CRPPA: variants seen among roughly 807,000 people sequenced by gnomAD.
CRPPA encodes the protein D-ribitol-5-phosphate cytidylyltransferase.
CRPPA carries 43 observed loss-of-function variants against 52.0 expected under a neutral mutation model. The ratio of observed to expected loss-of-function variants is 0.83; its 90% CI spans 0.65 to 1.07. The LOEUF is 1.07. Among genes scored for constraint, CRPPA ranks in the 50% least tolerant of loss-of-function variants. The probability of loss-of-function intolerance (pLI) is 0.00; values close to 1 mark genes in which losing one functional copy is unlikely to be tolerated. For missense variants in CRPPA, 629 were observed against 551.7 expected, an observed-to-expected ratio of 1.14 and a Z score of -1.40; for synonymous variants, 250 against 203.5, an observed-to-expected ratio of 1.23 and a Z score of -1.94.
chr7:16,182,203 A>G (rs1023615020), intron 9 of CRPPA, among the ~76,000 whole-genome samples: 6 of 151,976 alleles, frequency 3.9e-5, no homozygotes, highest in African/African-American at 1.4e-4. Context: ...ATTAATAGGG[A>G]TAAGAAAAAT....
chr7:16,213,921 G>C (rs1378498844), intron 9 of CRPPA, among the ~76,000 whole-genome samples: 1 of 152,078 alleles, frequency 6.6e-6, no homozygotes, highest in South Asian at 2.1e-4. Context: ...AATTGTGAAA[G>C]CAAGCTTTAT....
intron 9 of CRPPA, among the ~76,000 whole-genome samples, chr7:16,211,241 AT>A (rs911915742): frequency 3.3e-5 from 5 of 152,142 alleles, no homozygotes; most frequent in African/African-American, 1.2e-4. Context: ...TATAAAAACA[AT>A]TTTTTTCAAA....
At chr7:16,200,372 ATATAG>A (rs1173622522) in intron 9 of CRPPA, among the ~76,000 whole-genome samples, 1 of 152,208 alleles carries the variant, frequency 6.6e-6, no homozygotes, top group Non-Finnish European at 1.5e-5. Context: ...CCTCAAATCT[ATATAG>A]TATTTCAAAA....
intron 9 of CRPPA, among the ~76,000 whole-genome samples, chr7:16,103,611 C>A (rs1040284584): frequency 6.6e-6 from 1 of 152,000 alleles, no homozygotes; most frequent in African/African-American, 2.4e-5. Context: ...GAAAAAACAC[C>A]CAGTCTAAGA....
intron 3 of CRPPA, among the ~76,000 whole-genome samples, chr7:16,335,168 A>G (rs868164340): frequency 1.7e-5 from 2 of 115,302 alleles, no homozygotes; most frequent in Non-Finnish European, 3.9e-5. Context: ...AAAAAAAAAA[A>G]AAAAAAAAAA....
chr7:16,198,201 A>G (rs2128392671), intron 9 of CRPPA, among the ~76,000 whole-genome samples: 2 of 20,516 alleles, frequency 9.7e-5, no homozygotes, highest in African/African-American at 3.9e-4. Flanking sequence ...CAGTTGAGAC[A>G]AGAGGAAGGC....
At chr7:16,364,575 T>C (rs1228575943) in intron 3 of CRPPA, among the ~76,000 whole-genome samples, 1 of 152,222 alleles carries the variant, frequency 6.6e-6, no homozygotes, top group Non-Finnish European at 1.5e-5. Context: ...TGCAGGTTGC[T>C]CAGTGAAATT....
At chr7:16,322,164 C>A (rs372727425) in intron 3 of CRPPA, among the ~76,000 whole-genome samples, 1 of 151,910 alleles carries the variant, frequency 6.6e-6, no homozygotes, top group Non-Finnish European at 1.5e-5. Context: ...AAAATGAACA[C>A]AAAATACCAA....
intron 3 of CRPPA, among the ~76,000 whole-genome samples, chr7:16,324,199 C>A (rs1016436018): frequency 6.6e-6 from 1 of 152,166 alleles, no homozygotes; most frequent in African/African-American, 2.4e-5. Flanking sequence ...GGACTAAGGC[C>A]TTCATGTCCC....
intron 9 of CRPPA, among the ~76,000 whole-genome samples, chr7:16,142,530 T>C (rs1358148355): frequency 2.0e-5 from 3 of 152,212 alleles, no homozygotes. Flanking sequence ...CTTTTAGATG[T>C]TGAGTTATTC....
At chr7:16,136,639 G>A (rs557899889) in intron 9 of CRPPA, among the ~76,000 whole-genome samples, 2 of 152,288 alleles carry the variant, frequency 1.3e-5, no homozygotes, top group South Asian at 2.1e-4. Flanking sequence ...CATAGTTACT[G>A]TTGGGCACAA....
intron 9 of CRPPA, among the ~76,000 whole-genome samples, chr7:16,201,405 T>C (rs932958144): frequency 6.6e-6 from 1 of 152,190 alleles, no homozygotes; most frequent in African/African-American, 2.4e-5. Context: ...TTTTGAACGA[T>C]GTCTTTTAGC....
intron 3 of CRPPA, among the ~76,000 whole-genome samples, chr7:16,360,810 C>A (rs1020628295): frequency 6.6e-6 from 1 of 152,106 alleles, no homozygotes; most frequent in African/African-American, 2.4e-5. Context: ...ATCTTCATGA[C>A]TAACCTTGGC....
At chr7:16,131,830 C>T (rs1782686486) in intron 9 of CRPPA, among the ~76,000 whole-genome samples, 1 of 152,222 alleles carries the variant, frequency 6.6e-6, no homozygotes, top group Non-Finnish European at 1.5e-5. Flanking sequence ...ATCTGCCCAT[C>T]TTGGCCTCTC....
intron 9 of CRPPA, among the ~76,000 whole-genome samples, chr7:16,155,597 T>C (rs1030600404): frequency 1.3e-5 from 2 of 152,234 alleles, no homozygotes; most frequent in Non-Finnish European, 2.9e-5. Flanking sequence ...CGACATATTT[T>C]CTCTTCCTTG....
intron 9 of CRPPA, among the ~76,000 whole-genome samples, chr7:16,107,292 C>A (rs1439204061): frequency 1.3e-5 from 2 of 152,082 alleles, no homozygotes; most frequent in Non-Finnish European, 2.9e-5. Context: ...CTAATCAATG[C>A]AACCCAGAAA....
chr7:16,330,435 C>A (rs1785523075), intron 3 of CRPPA, among the ~76,000 whole-genome samples: 1 of 152,118 alleles, frequency 6.6e-6, no homozygotes, highest in Non-Finnish European at 1.5e-5. Flanking sequence ...GAAGTGAGGT[C>A]ATAGGTCAAG....
intron 3 of CRPPA, among the ~76,000 whole-genome samples, chr7:16,335,709 T>C (rs754195364): frequency 1.3e-5 from 2 of 152,118 alleles, no homozygotes; most frequent in Non-Finnish European, 2.9e-5. Context: ...CTGGAAAGCA[T>C]ATTTAAAGAA....
chr7:16,285,872 T>G (rs1038420892), intron 5 of CRPPA, among the ~76,000 whole-genome samples: 3 of 150,012 alleles, frequency 2.0e-5, no homozygotes, highest in Non-Finnish European at 4.4e-5. Flanking sequence ...ATACAAAAAA[T>G]TAGCTGGGCA....
Sources: gnomAD v4.1 joint callset for allele counts (sites outside exome capture counted in the v4.1 genomes callset) on GRCh38, gnomAD v4.1.1 for gene constraint, MANE v1.5 for transcripts, NCBI Gene and HGNC (gene_info 2026-07-23, HGNC 2026-07-21) for gene names.